MUC12: variants seen among roughly 807,000 people sequenced by gnomAD.
MUC12 encodes the protein mucin 12, cell surface associated.
Under a neutral mutation model 230.8 loss-of-function variants are expected in MUC12, and 172 were observed. The observed-to-expected ratio is 0.75, with a 90% CI of 0.66 to 0.85. The LOEUF (loss-of-function observed/expected upper bound fraction) is 0.85, where lower values mean the gene tolerates loss of function less well. MUC12 is among the 40% of genes least tolerant of loss of function. The pLI, the probability that MUC12 is intolerant of heterozygous loss-of-function variation, is 0.00. For synonymous variants in MUC12, 1,259 were observed against 2,401.9 expected, an observed-to-expected ratio of 0.52 and a Z score of 13.91; for missense variants, 3,506 against 5,920.6, an observed-to-expected ratio of 0.59 and a Z score of 13.38.
At chr7:101,015,786 C>CA in intron 10 of MUC12, 95 bp downstream of exon 10, 2 of 1,165,254 alleles carry the variant, frequency 1.7e-6, no homozygotes, top group Non-Finnish European at 1.2e-6. Context: ...GGGGTCCAGC[C>CA]CCCCTTTGGG....
In MUC12 at chr7:100,991,993, C is replaced by T; in HGVS notation, c.1430C>T (p.Thr477Ile). Reference sequence around the variant, plus strand: ...CCCATCAGTTCAGGCTCAATGGAAACCACAGCGTTACCCGGCAGTACCACA... The same window carrying T: ...CCCATCAGTTCAGGCTCAATGGAAATCACAGCGTTACCCGGCAGTACCACA... ...PSPISSGSME[T>I]TALPGSTTKP... is the part of the protein sequence containing the mutation. Residue 477 changes from threonine (T) to isoleucine (I), a missense_variant, in exon 2 of 12, where the codon ACC becomes ATC. By Grantham distance (89) the Thr-to-Ile change is moderately conservative (BLOSUM62 -1). Transcript: ENST00000536621. 6.5e-7 allele frequency: 1 copy of T among 1,537,990 alleles called. No individual in the cohort carries two copies. Among genetic ancestry groups the T allele is most frequent in the Non-Finnish European group, 8.7e-7 (1 of 1,147,078 alleles).
At chr7:101,018,124 T>A in intron 11 of MUC12, among the ~76,000 whole-genome samples, 4 of 6 alleles carry the variant, frequency 0.67, 2 homozygotes, top group Non-Finnish European at 0.67. Context: ...TCCCTCCCCC[T>A]GGGACCCCTT....
intron 1 of MUC12, among the ~76,000 whole-genome samples, chr7:100,985,584 A>C (rs1160330697): frequency 6.6e-6 from 1 of 152,204 alleles, no homozygotes; most frequent in African/African-American, 2.4e-5. Context: ...AGAATGAACA[A>C]GGACAGCTTG....
At position 100,995,465 on chromosome 7, in the gene MUC12, T is replaced by A. The variant is rs10249343; in HGVS notation, c.4902T>A (p.Thr1634=). The change falls in exon 2 of 12, where the codon ACT becomes ACA. Residue 1634 remains threonine (T), a synonymous_variant. Transcript: ENST00000536621. Reference sequence around the variant, plus strand: ...CATCCCTTGGTCCAGAATCTACTACTTTCCACAGCAGCCCAGGCTCCACTG... The same window carrying A: ...CATCCCTTGGTCCAGAATCTACTACATTCCACAGCAGCCCAGGCTCCACTG... ...TASSLGPEST[T]FHSSPGSTET... The A allele has an allele frequency of 2.0e-4, 301 of 1,474,288 alleles. 1 individual carries two copies. The highest frequency in any genetic ancestry group is 2.4e-4 in the Non-Finnish European group (266 of 1,098,218). 91.3% of individuals were successfully genotyped at this position (1,474,288 alleles called of 1,614,324 possible).
At chr7:101,007,840 C>T (rs1306474025) in intron 3 of MUC12, among the ~76,000 whole-genome samples, 1 of 152,136 alleles carries the variant, frequency 6.6e-6, no homozygotes, top group East Asian at 1.9e-4. Context: ...CTCTGTTGCC[C>T]AGGCTGGAGT....
Position 101,004,411 on chromosome 7 carries a change from C to G in MUC12, c.13848C>G (p.His4616Gln), listed in dbSNP as rs1265514888. ...HSSPGSTQTM[H>Q]FPESSTASGR... is the part of the protein sequence containing the mutation. ...GCCCGGGCTCAACTCAAACAATGCA[C>G]TTCCCTGAAAGCTCCACAGCTTCAG... Residue 4616 changes from histidine to glutamine, a missense_variant, in exon 2 of 12, where the codon CAC (histidine) becomes CAG (glutamine). Physicochemically the swap from His to Gln is conservative, Grantham distance 24. Coordinates refer to ENST00000536621, the MANE Select transcript of MUC12 (RefSeq NM_001164462.2). The G allele has an allele frequency of 3.3e-6, 5 of 1,510,664 alleles. No individual in the cohort carries two copies. Among genetic ancestry groups the G allele is most frequent in the Non-Finnish European group, 4.4e-6 (5 of 1,137,788 alleles). 93.6% of individuals were successfully genotyped at this position (1,510,664 alleles called of 1,614,324 possible). A position where few individuals can be genotyped will look rare whatever the true frequency, so the allele number is the denominator to read the frequency against.
intron 1 of MUC12, among the ~76,000 whole-genome samples, chr7:100,986,883 A>G (rs1169807417): frequency 6.6e-6 from 1 of 152,078 alleles, no homozygotes; most frequent in Non-Finnish European, 1.5e-5. Flanking sequence ...GGCTGGTGGC[A>G]CTTCCATCAC....
chr7:100,987,090 A>C (rs901499839), intron 1 of MUC12, among the ~76,000 whole-genome samples: 5 of 111,300 alleles, frequency 4.5e-5, no homozygotes, highest in Non-Finnish European at 6.7e-5. Context: ...TTTTTGAGAC[A>C]GAGTCTCGCT....
intron 1 of MUC12, among the ~76,000 whole-genome samples, chr7:100,973,341 C>T (rs1480828230): frequency 6.8e-6 from 1 of 147,994 alleles, no homozygotes; most frequent in African/African-American, 2.5e-5. Flanking sequence ...ACAAAGGTCT[C>T]CAGTTGAGGC....
intron 1 of MUC12, among the ~76,000 whole-genome samples, chr7:100,990,094 C>A (rs181644179): frequency 6.6e-6 from 1 of 152,340 alleles, no homozygotes; most frequent in Non-Finnish European, 1.5e-5. Flanking sequence ...GCACAAGGGT[C>A]TATAACAGGG....
chr7:100,971,355 C>T (rs936821685), intron 1 of MUC12, among the ~76,000 whole-genome samples: 1 of 148,760 alleles, frequency 6.7e-6, no homozygotes, highest in African/African-American at 2.5e-5. Context: ...TGAGGAGAGG[C>T]GAGAGAGGGA....
intron 1 of MUC12, among the ~76,000 whole-genome samples, chr7:100,974,092 T>C (rs972550964): frequency 3.3e-5 from 5 of 152,118 alleles, no homozygotes; most frequent in East Asian, 1.9e-4. Flanking sequence ...GAGACTGCAG[T>C]GAGCTGTGAT....
chr7:101,011,784 T>C (rs1354812860), intron 5 of MUC12, among the ~76,000 whole-genome samples: 1 of 152,168 alleles, frequency 6.6e-6, no homozygotes, highest in African/African-American at 2.4e-5. Context: ...TTTCTCCATT[T>C]GTCTGTTGAT....
intron 1 of MUC12, among the ~76,000 whole-genome samples, chr7:100,990,183 CG>C (rs1793256468): frequency 1.3e-5 from 2 of 152,206 alleles, no homozygotes; most frequent in African/African-American, 4.8e-5. Context: ...AAGTGAGTAG[CG>C]GGCCAGCGAA....
intron 1 of MUC12, among the ~76,000 whole-genome samples, chr7:100,972,399 C>G (rs547048124): frequency 8.2e-4 from 113 of 138,138 alleles, no homozygotes; most frequent in Non-Finnish European, 1.4e-3. Flanking sequence ...TCCTCCACCC[C>G]TCTAGAGGAA....
chr7:101,016,511 C>T (rs1373557286), intron 10 of MUC12, among the ~76,000 whole-genome samples: 1 of 152,166 alleles, frequency 6.6e-6, no homozygotes, highest in Admixed American at 6.6e-5. Flanking sequence ...GACAGGGTTT[C>T]ATCATGTTGG....
Position 100,991,788 on chromosome 7 carries a change from C to A in MUC12, c.1225C>A (p.His409Asn). 6.5e-7 allele frequency: 1 copy of A among 1,537,952 alleles called. No individual in the cohort carries two copies. The highest frequency in any genetic ancestry group is 8.7e-7 in the Non-Finnish European group (1 of 1,147,072). ...TCCTAGCACCACAGCTGCCCTAGCA[C>A]ATACAAGCTACCACAGCAGCCTGGG... ...STPSTTAALAHTSYHSSLGST... is the reference protein window; with the variant it reads ...STPSTTAALANTSYHSSLGST... The change falls in exon 2 of 12, where the codon CAT becomes AAT. Residue 409 changes from histidine to asparagine, a missense_variant. Coordinates refer to ENST00000536621, the MANE Select transcript of MUC12 (RefSeq NM_001164462.2).
In MUC12 at chr7:101,012,323, T is replaced by C. The variant is rs1584847416; in HGVS notation, c.15279T>C (p.Asp5093=). 2 of 1,537,370 alleles carry C rather than the reference T, an allele frequency of 1.3e-6. No individual in the cohort carries two copies. Among genetic ancestry groups the C allele is most frequent in the Non-Finnish European group, 1.7e-6 (2 of 1,146,934 alleles). The change falls in exon 6 of 12, where the codon GAT becomes GAC. Residue 5093 remains aspartate (D), a synonymous_variant. Transcript: ENST00000536621. ...LLNGSIVVKN[D]VILEADYTLE... ...ACGGTAGCATCGTGGTCAAGAACGATGTCATCCTGGAGGCAGACTACACTT... is the reference window on the plus strand; with the variant it reads ...ACGGTAGCATCGTGGTCAAGAACGACGTCATCCTGGAGGCAGACTACACTT...
chr7:101,015,325 C>T, intron 9 of MUC12: 1 of 421,580 alleles, frequency 2.4e-6, no homozygotes, highest in Non-Finnish European at 4.3e-6. Flanking sequence ...GGCACAGTAC[C>T]TGACCCGAAG....
Sources: gnomAD v4.1 joint callset for allele counts (sites outside exome capture counted in the v4.1 genomes callset) on GRCh38, gnomAD v4.1.1 for gene constraint, MANE v1.5 for transcripts, NCBI Gene and HGNC (gene_info 2026-07-23, HGNC 2026-07-21) for gene names.